Variants in MALRD1 observed in about 807,000 individuals in gnomAD.
The protein encoded by MALRD1 is MAM and LDL receptor class A domain containing 1.
A neutral mutation model predicts 242.1 loss-of-function variants in MALRD1; 247 were observed. The observed-to-expected ratio is 1.02, with a 90% CI of 0.92 to 1.13. The LOEUF (loss-of-function observed/expected upper bound fraction) is 1.13, where lower values mean the gene tolerates loss of function less well. Ranked by LOEUF, MALRD1 falls within the 50% of genes most tolerant of loss-of-function variation. The pLI, the probability that MALRD1 is intolerant of heterozygous loss-of-function variation, is 0.00. For synonymous variants in MALRD1, 995 were observed against 866.6 expected (o/e 1.15, Z -2.60); for missense variants, 2,989 against 2,533.1 (o/e 1.18, Z -3.86).
intron 38 of MALRD1, among the ~76,000 whole-genome samples, chr10:19,700,466 A>T (rs1029879747): frequency 1.3e-5 from 2 of 152,168 alleles, no homozygotes; most frequent in Non-Finnish European, 2.9e-5. Flanking sequence ...CCCAAGATAG[A>T]CGAACTGGAC....
chr10:19,731,565 C>T (rs1835298424), intron 39 of MALRD1, among the ~76,000 whole-genome samples: 3 of 151,924 alleles, frequency 2.0e-5, no homozygotes, highest in Non-Finnish European at 4.4e-5. Context: ...GAGTATATCA[C>T]ACATTATTAT....
At chr10:19,422,165 C>T (rs749586961) in intron 28 of MALRD1, among the ~76,000 whole-genome samples, 1 of 152,168 alleles carries the variant, frequency 6.6e-6, no homozygotes, top group Non-Finnish European at 1.5e-5. Flanking sequence ...AAATCATGCT[C>T]TTTTCTAACC....
intron 29 of MALRD1, among the ~76,000 whole-genome samples, chr10:19,477,298 A>G (rs1227540408): frequency 6.6e-6 from 1 of 152,206 alleles, no homozygotes; most frequent in Non-Finnish European, 1.5e-5. Flanking sequence ...TTAACTAAGT[A>G]TCTTCAAGAT....
intron 1 of MALRD1, among the ~76,000 whole-genome samples, chr10:19,056,913 G>C (rs181701457): frequency 6.6e-6 from 1 of 152,042 alleles, no homozygotes; most frequent in African/African-American, 2.4e-5. Context: ...TGCTTTCTCC[G>C]AATCTATTGA....
rs1354995954 is a variant in MALRD1 at position 19,692,880 on chromosome 10, T to TACAC, written c.6314+327_6314+328insCACA. Among the ~76,000 whole-genome samples, 334 of 115,744 alleles carry TACAC rather than the reference T, an allele frequency of 2.9e-3. 3 individuals carry two copies. The highest frequency in any genetic ancestry group is 3.1e-3 in the Non-Finnish European group (178 of 57,516). The allele number at this position is 115,744 out of a possible 152,430, so 75.9% of individuals were successfully genotyped here. ...ATATAGATGAAATTATATATATATA[T>TACAC]ATATATAATTTCATCCCTGGAATGC... On this transcript the variant is annotated intron_variant, in intron 38 of 39. Transcript: ENST00000454679.
rs147001449 is a variant in MALRD1 at position 19,498,482 on chromosome 10, C to T, written c.5159-3C>T. ...AATTCCATTAATGTTTTTGCTTCCC[C>T]AGCACATTATACAAGCACAACAGGA... is the stretch of plus-strand genomic sequence containing the variant. On this transcript the variant is annotated splice_region_variant and splice_polypyrimidine_tract_variant and intron_variant, in intron 30 of 39. Transcript: ENST00000454679. The T allele has an allele frequency of 1.6e-5, 25 of 1,546,970 alleles. No homozygotes were observed. The highest frequency in any genetic ancestry group is 2.0e-5 in the Non-Finnish European group (23 of 1,144,568).
chr10:19,428,090 AC>A (rs202230812), intron 28 of MALRD1, among the ~76,000 whole-genome samples: 22,100 of 151,810 alleles, frequency 0.15, 1,862 homozygotes, highest in East Asian at 0.35. Flanking sequence ...AGAATAAAGA[AC>A]AGTTTGACCC....
At chr10:19,383,175 G>A (rs754935980) in intron 26 of MALRD1, among the ~76,000 whole-genome samples, 49 of 152,076 alleles carry the variant, frequency 3.2e-4, no homozygotes, top group Non-Finnish European at 5.7e-4. Context: ...GTACCTGATA[G>A]GTAGCTTTTT....
chr10:19,383,639 A>G (rs1845931637), intron 26 of MALRD1, among the ~76,000 whole-genome samples: 1 of 152,084 alleles, frequency 6.6e-6, no homozygotes, highest in Non-Finnish European at 1.5e-5. Flanking sequence ...TTACATGTTA[A>G]CTAATTTTAA....
intron 19 of MALRD1, among the ~76,000 whole-genome samples, chr10:19,264,702 C>G (rs1365935752): frequency 6.6e-6 from 1 of 152,136 alleles, no homozygotes; most frequent in Non-Finnish European, 1.5e-5. Flanking sequence ...ATCCGCCTGC[C>G]TCGGCCTCTC....
At chr10:19,696,282 A>G (rs1310749375) in intron 38 of MALRD1, among the ~76,000 whole-genome samples, 1 of 152,152 alleles carries the variant, frequency 6.6e-6, no homozygotes, top group Non-Finnish European at 1.5e-5. Flanking sequence ...CAAGTAACAA[A>G]TGTGACTGGC....
chr10:19,416,927 G>A (rs1833533852), intron 28 of MALRD1, among the ~76,000 whole-genome samples: 1 of 152,136 alleles, frequency 6.6e-6, no homozygotes, highest in Admixed American at 6.6e-5. Flanking sequence ...CTCTTGGGAA[G>A]GTCATCAGTT....
At chr10:19,053,276 GT>G (rs1285382249) in intron 1 of MALRD1, among the ~76,000 whole-genome samples, 15 of 152,178 alleles carry the variant, frequency 9.9e-5, no homozygotes, top group African/African-American at 3.1e-4. Context: ...AATTGCTTTT[GT>G]TTTTAAAAAT....
At chr10:19,722,070 G>A (rs1456628592) in intron 38 of MALRD1, 1 of 152,188 alleles carries the variant, frequency 6.6e-6, no homozygotes, top group Non-Finnish European at 1.5e-5. Flanking sequence ...TAGACTATAG[G>A]TAAGTATCGT....
At chr10:19,357,942 C>T (rs1327286126) in intron 26 of MALRD1, among the ~76,000 whole-genome samples, 3 of 151,768 alleles carry the variant, frequency 2.0e-5, no homozygotes, top group African/African-American at 7.3e-5. Context: ...AGACCCAGGG[C>T]TTTATTAGCA....
chr10:19,683,133 G>A (rs933691207), intron 36 of MALRD1, among the ~76,000 whole-genome samples: 7 of 145,726 alleles, frequency 4.8e-5, no homozygotes, highest in Admixed American at 2.1e-4. Context: ...CATCTCTACC[G>A]GAAAAAAAAA....
At chr10:19,640,447 G>A (rs1372098303) in intron 36 of MALRD1, among the ~76,000 whole-genome samples, 1 of 152,090 alleles carries the variant, frequency 6.6e-6, no homozygotes, top group Non-Finnish European at 1.5e-5. Flanking sequence ...ACATCCAAAG[G>A]CAGTTTCATT....
At chr10:19,110,129 T>C (rs1836624458) in intron 5 of MALRD1, among the ~76,000 whole-genome samples, 1 of 152,210 alleles carries the variant, frequency 6.6e-6, no homozygotes, top group African/African-American at 2.4e-5. Flanking sequence ...TCAGCTGCTG[T>C]TGTCAAAATG....
intron 21 of MALRD1, among the ~76,000 whole-genome samples, chr10:19,318,268 T>A (rs1379082625): frequency 6.6e-6 from 1 of 152,030 alleles, no homozygotes; most frequent in Non-Finnish European, 1.5e-5. Context: ...GGCAACCAAA[T>A]GATATATTGC....
Sources: gnomAD v4.1 joint callset for allele counts (sites outside exome capture counted in the v4.1 genomes callset) on GRCh38, gnomAD v4.1.1 for gene constraint, MANE v1.5 for transcripts, NCBI Gene and HGNC (gene_info 2026-07-23, HGNC 2026-07-21) for gene names.